NDUFAF6: variants seen among roughly 807,000 people sequenced by gnomAD.
NDUFAF6 encodes NADH dehydrogenase (ubiquinone) complex I, assembly factor 6.
Under a neutral mutation model 40.8 loss-of-function variants are expected in NDUFAF6, and 45 were observed. The observed-to-expected ratio is 1.10, with a 90% CI of 0.87 to 1.42. The LOEUF is 1.42. NDUFAF6 is among the 40% of genes most tolerant of loss of function. The probability of loss-of-function intolerance (pLI) is 0.00; values close to 1 mark genes in which losing one functional copy is unlikely to be tolerated. For missense variants in NDUFAF6, 435 were observed against 418.5 expected (o/e 1.04, Z -0.34); for synonymous variants, 185 against 155.9 (o/e 1.19, Z -1.39).
chr8:94,989,300 T>G (rs1826085744), intron 2 of NDUFAF6: 1 of 152,226 alleles, frequency 6.6e-6, no homozygotes, highest in Non-Finnish European at 1.5e-5. Context: ...ACTTAATTAT[T>G]TCTTAAATTC....
chr8:94,934,001 C>G (rs974583582), intron 1 of NDUFAF6, among the ~76,000 whole-genome samples: 1 of 148,808 alleles, frequency 6.7e-6, no homozygotes, highest in African/African-American at 2.5e-5. Context: ...TGCTTGAACC[C>G]GGGAGGCAGA....
In NDUFAF6 at chr8:94,930,594, G is replaced by A. The variant is rs1476052610; in HGVS notation, c.-935-14889G>A. The A allele has an allele frequency of 6.2e-7, 1 of 1,614,220 alleles. No individual in the cohort carries two copies. Among genetic ancestry groups the A allele is most frequent in the Admixed American group, 1.7e-5 (1 of 60,014 alleles). ...GCGACGAAGGCTATTTCTGTTAAGA[G>A]GCTGTCTTTCACTGTGTTCTTTTAT... On this transcript the variant is annotated intron_variant, in intron 1 of 14. Coordinates refer to the NDUFAF6 transcript ENST00000396113.
At chr8:95,043,472 G>A (rs1161786364) in intron 4 of NDUFAF6, among the ~76,000 whole-genome samples, 1 of 151,900 alleles carries the variant, frequency 6.6e-6, no homozygotes, top group Non-Finnish European at 1.5e-5. Context: ...AAAATTATTT[G>A]CCAGTTATAT....
rs768556932 is a variant in NDUFAF6 at position 95,025,303 on chromosome 8, C to G, written c.197+98C>G. 2.7e-5 allele frequency: 32 copies of G among 1,206,904 alleles called. No individual in the cohort carries two copies. The South Asian group carries it at 6.3e-4, about 24-fold the overall frequency. 74.8% of individuals were successfully genotyped at this position (1,206,904 alleles called of 1,614,324 possible). On this transcript the variant is annotated intron_variant, in intron 1 of 8. Transcript: ENST00000396124. The stretch of plus-strand genomic sequence containing the variant: ...TGGCCTGACGTTTGAGCGAGCGGAC[C>G]GGCGCCTTCCTCGTGCCCCTCTGGG...
At chr8:94,923,160 G>A (rs1466720356) in intron 1 of NDUFAF6, among the ~76,000 whole-genome samples, 1 of 152,158 alleles carries the variant, frequency 6.6e-6, no homozygotes, top group African/African-American at 2.4e-5. Flanking sequence ...AAGGAGGGTG[G>A]CCATGAAGAA....
intron 1 of NDUFAF6, among the ~76,000 whole-genome samples, chr8:94,939,139 C>T (rs1393787291): frequency 6.6e-6 from 1 of 152,122 alleles, no homozygotes; most frequent in Non-Finnish European, 1.5e-5. Flanking sequence ...TTGTTAAATT[C>T]TCAGACAAGG....
intron 9 of NDUFAF6, chr8:95,068,492 T>C (rs1164974582): frequency 6.6e-6 from 1 of 151,860 alleles, no homozygotes; most frequent in Non-Finnish European, 1.5e-5. Flanking sequence ...ATTTCACAGA[T>C]GAGAAAACTT....
intron 1 of NDUFAF6, among the ~76,000 whole-genome samples, chr8:94,909,881 C>G (rs1296194805): frequency 1.3e-5 from 2 of 151,898 alleles, no homozygotes; most frequent in Admixed American, 1.3e-4. Flanking sequence ...GCCAGTGCCT[C>G]TGTGTGTCAC....
intron 4 of NDUFAF6, among the ~76,000 whole-genome samples, chr8:95,109,669 A>G (rs1010098885): frequency 6.6e-6 from 1 of 152,098 alleles, no homozygotes; most frequent in African/African-American, 2.4e-5. Flanking sequence ...TCATGACCCC[A>G]TATCACTTTG....
chr8:95,019,203 G>T (rs962032667), intron 2 of NDUFAF6, among the ~76,000 whole-genome samples: 3 of 152,282 alleles, frequency 2.0e-5, no homozygotes, highest in Non-Finnish European at 4.4e-5. Context: ...TAGAGACAGG[G>T]TTTTGCCATG....
At chr8:94,896,626 C>T (rs1470286724) in intron 1 of NDUFAF6, 2 of 151,978 alleles carry the variant, frequency 1.3e-5, no homozygotes, top group Non-Finnish European at 2.9e-5. Flanking sequence ...CTGCCCAGGC[C>T]CTGAGCGAGC....
chr8:94,977,503 A>G (rs1189559366), intron 1 of NDUFAF6, among the ~76,000 whole-genome samples: 1 of 150,292 alleles, frequency 6.7e-6, no homozygotes, highest in Non-Finnish European at 1.5e-5. Flanking sequence ...AGCCTGAGCA[A>G]AGAGCAAGAC....
chr8:95,009,545 A>C (rs1344801084), intron 2 of NDUFAF6, among the ~76,000 whole-genome samples: 2 of 152,176 alleles, frequency 1.3e-5, no homozygotes, highest in Non-Finnish European at 2.9e-5. Flanking sequence ...GGTGGATGTC[A>C]CTGAAGAGAT....
chr8:94,951,511 T>C (rs1274126027), intron 2 of NDUFAF6: 1 of 152,184 alleles, frequency 6.6e-6, no homozygotes, highest in Non-Finnish European at 1.5e-5. Flanking sequence ...GATGAAAACA[T>C]CTTGTCTCAG....
downstream of NDUFAF6, among the ~76,000 whole-genome samples, chr8:95,063,322 T>C (rs1832616556): frequency 1.3e-5 from 2 of 152,216 alleles, no homozygotes. Context: ...AAATACTGTT[T>C]TCCTGTAGTG....
At position 95,081,177 on chromosome 8, in the gene NDUFAF6, T is replaced by C. The variant is rs1371081886; in HGVS notation, n.213+5425T>C. Among the ~76,000 whole-genome samples the C allele has an allele frequency of 5.5e-5, 3 of 54,838 alleles. No individual in the cohort carries two copies. In the East Asian group the frequency reaches 2.6e-3, roughly 47 times the overall value. 36.0% of individuals were successfully genotyped at this position (54,838 alleles called of 152,430 possible). A position where few individuals can be genotyped will look rare whatever the true frequency, so the allele number is the denominator to read the frequency against. ...TTTTTTTTTTTTTTTTTTTTTTTTTTTTTTTGAGGTGGAGTCTTTCTCTGT... is the reference window on the plus strand; with the variant it reads ...TTTTTTTTTTTTTTTTTTTTTTTTTCTTTTTGAGGTGGAGTCTTTCTCTGT... On this transcript the variant is annotated intron_variant and non_coding_transcript_variant, in intron 2 of 5. Coordinates refer to the NDUFAF6 transcript ENST00000523184.
chr8:94,957,583 GA>G (rs1479945493), upstream of NDUFAF6, among the ~76,000 whole-genome samples: 2 of 152,204 alleles, frequency 1.3e-5, no homozygotes, highest in Admixed American at 6.5e-5. Flanking sequence ...GATACAATGA[GA>G]ACAGTGAGGT....
At chr8:94,948,634 G>A (rs1245878763) in intron 2 of NDUFAF6, among the ~76,000 whole-genome samples, 6 of 152,188 alleles carry the variant, frequency 3.9e-5, no homozygotes, top group Non-Finnish European at 8.8e-5. Flanking sequence ...GGCGGGGACA[G>A]AGCGCCGGGC....
Position 94,902,071 on chromosome 8 carries a change from T to C in NDUFAF6, c.-936+6144T>C, listed in dbSNP as rs193198853. Among the ~76,000 whole-genome samples the C allele has an allele frequency of 9.9e-5, 15 of 152,022 alleles. No individual in the cohort carries two copies. In the East Asian group the frequency reaches 2.9e-3, roughly 29 times the overall value. On this transcript the variant is annotated intron_variant, in intron 1 of 14. Coordinates refer to the NDUFAF6 transcript ENST00000396113. Reference sequence around the variant, plus strand: ...TTTCAAAAAGAAAAAAAAAAGGAGATATCAGTACATGTCTCCCTAAGTACT... The same window carrying C: ...TTTCAAAAAGAAAAAAAAAAGGAGACATCAGTACATGTCTCCCTAAGTACT...
Sources: allele counts gnomAD v4.1 joint callset (sites outside exome capture counted in the v4.1 genomes callset), GRCh38; gene constraint gnomAD v4.1.1; transcripts MANE v1.5; gene names NCBI Gene and HGNC (gene_info 2026-07-23, HGNC 2026-07-21).